CDYL: variants seen among roughly 807,000 people sequenced by gnomAD.
The protein encoded by CDYL is chromodomain Y like.
Under a neutral mutation model 47.3 loss-of-function variants are expected in CDYL, and 8 were observed. The observed-to-expected ratio is 0.17, with a 90% CI of 0.10 to 0.31. The LOEUF (loss-of-function observed/expected upper bound fraction) is 0.31. CDYL is among the 10% of genes least tolerant of loss of function. CDYL has a pLI of 1.00. For missense variants in CDYL, 471 were observed against 701.4 expected (o/e 0.67, Z 3.71); for synonymous variants, 266 against 265.0 (o/e 1.00, Z -0.04).
chr6:4,915,038 G>T (rs1757517054), intron 2 of CDYL, among the ~76,000 whole-genome samples: 1 of 152,212 alleles, frequency 6.6e-6, no homozygotes. Flanking sequence ...TCTGTCTTGT[G>T]TGCTGGGGCT....
In CDYL at chr6:4,776,702, C is replaced by T; in HGVS notation, c.-82C>T. 1.6e-6 allele frequency: 2 copies of T among 1,240,084 alleles called. No homozygotes were observed. Among genetic ancestry groups the T allele is most frequent in the South Asian group, 1.4e-5 (1 of 72,070 alleles). 76.8% of individuals were successfully genotyped at this position (1,240,084 alleles called of 1,614,324 possible). On this transcript the variant is annotated 5_prime_UTR_variant, in exon 1 of 7. Transcript: ENST00000397588. Reference sequence around the variant, plus strand: ...GCAGGAAGCGCAGGCCACGCAGGACCCAACTGAAACAAAGTGTCGGCCGCC... The same window carrying T: ...GCAGGAAGCGCAGGCCACGCAGGACTCAACTGAAACAAAGTGTCGGCCGCC...
intron 4 of CDYL, among the ~76,000 whole-genome samples, chr6:4,940,877 A>G (rs943227735): frequency 1.3e-5 from 2 of 152,248 alleles, no homozygotes; most frequent in African/African-American, 4.8e-5. Context: ...CCTTCAAACG[A>G]AGGTGCCATT....
At chr6:4,740,951 T>C (rs1757786851) in intron 3 of CDYL, among the ~76,000 whole-genome samples, 1 of 152,102 alleles carries the variant, frequency 6.6e-6, no homozygotes, top group African/African-American at 2.4e-5. Context: ...CGTGCCTGGC[T>C]AATTTTTGTA....
At chr6:4,874,695 A>G (rs1292465772) in intron 1 of CDYL, among the ~76,000 whole-genome samples, 1 of 152,218 alleles carries the variant, frequency 6.6e-6, no homozygotes, top group African/African-American at 2.4e-5. Flanking sequence ...GAACATTTTC[A>G]CCACCTGACA....
At chr6:4,781,078 A>C (rs558063745) in intron 1 of CDYL, among the ~76,000 whole-genome samples, 24 of 152,326 alleles carry the variant, frequency 1.6e-4, no homozygotes, top group Non-Finnish European at 3.2e-4. Flanking sequence ...TGACCTTCTG[A>C]GAGAATATTT....
rs555603277 is a variant in CDYL, at chr6:4,870,879, G to T, written c.25-20834G>T. Among the ~76,000 whole-genome samples, 16 of 152,006 alleles carry T rather than the reference G, an allele frequency of 1.1e-4. No individual in the cohort carries two copies. The East Asian group carries it at 3.1e-3, about 29-fold the overall frequency. The stretch of plus-strand genomic sequence containing the variant: ...GGCATTTTCTATTTGAGTCATTGTC[G>T]TCATGTTTTCCTTTAGTTCATTAAA... On this transcript the variant is annotated intron_variant, in intron 1 of 6. Transcript: ENST00000397588.
intron 1 of CDYL, among the ~76,000 whole-genome samples, chr6:4,871,757 A>G (rs1317697981): frequency 1.3e-5 from 2 of 152,144 alleles, no homozygotes; most frequent in African/African-American, 4.8e-5. Flanking sequence ...AAGAAATACA[A>G]AGGGGCGCTT....
chr6:4,934,609 T>C (rs2127519071), intron 2 of CDYL, among the ~76,000 whole-genome samples: 1 of 152,356 alleles, frequency 6.6e-6, no homozygotes, highest in Non-Finnish European at 1.5e-5. Flanking sequence ...CCATCCACTC[T>C]ACATTCATCA....
At chr6:4,883,503 C>T (rs953896027) in intron 1 of CDYL, among the ~76,000 whole-genome samples, 4 of 152,220 alleles carry the variant, frequency 2.6e-5, no homozygotes, top group African/African-American at 9.6e-5. Flanking sequence ...GCTAGCACCT[C>T]TGGCTGTCTG....
intron 1 of CDYL, among the ~76,000 whole-genome samples, chr6:4,829,521 T>C (rs1440391303): frequency 6.6e-6 from 1 of 152,224 alleles, no homozygotes; most frequent in Non-Finnish European, 1.5e-5. Flanking sequence ...CTCAGGTCTT[T>C]CTGAGCGTGC....
intron 2 of CDYL, among the ~76,000 whole-genome samples, chr6:4,927,110 T>C (rs1757898465): frequency 6.6e-6 from 1 of 152,222 alleles, no homozygotes; most frequent in Admixed American, 6.5e-5. Context: ...GCATGAAGTT[T>C]AGGGCTTTTG....
At chr6:4,848,563 A>G (rs6924665) in intron 1 of CDYL, among the ~76,000 whole-genome samples, 5,029 of 152,306 alleles carry the variant, frequency 0.033, 279 homozygotes, top group African/African-American at 0.11. Flanking sequence ...TCGACACAGG[A>G]GAGAGTCTGC....
At chr6:4,775,023 C>T (rs1339774109), upstream of CDYL, among the ~76,000 whole-genome samples, 3 of 152,126 alleles carry the variant, frequency 2.0e-5, no homozygotes, top group Non-Finnish European at 2.9e-5. The surrounding 1 kb of genome is among the most constrained non-coding windows in gnomAD (Gnocchi z 7.0). Context: ...GTCTGTGAGA[C>T]GCCCCGTGGT....
intron 2 of CDYL, among the ~76,000 whole-genome samples, chr6:4,727,956 C>T (rs565210134): frequency 6.6e-6 from 1 of 152,278 alleles, no homozygotes; most frequent in African/African-American, 2.4e-5. Flanking sequence ...CTGTGACTGC[C>T]TCTCCTCCAG....
chr6:4,941,780 G>C (rs1053216388), intron 4 of CDYL, among the ~76,000 whole-genome samples: 1 of 152,004 alleles, frequency 6.6e-6, no homozygotes, highest in Non-Finnish European at 1.5e-5. Flanking sequence ...CCTTGACTTT[G>C]ATCATCGCTT....
intron 2 of CDYL, among the ~76,000 whole-genome samples, chr6:4,904,528 G>A (rs1757168782): frequency 6.6e-6 from 1 of 152,190 alleles, no homozygotes; most frequent in South Asian, 2.1e-4. Flanking sequence ...GCCCCTCCCT[G>A]CCCTGGCTTT....
intron 1 of CDYL, among the ~76,000 whole-genome samples, chr6:4,880,506 G>A (rs1001981305): frequency 2.0e-5 from 3 of 152,102 alleles, no homozygotes; most frequent in African/African-American, 7.2e-5. Context: ...ATATTTGTTT[G>A]GAAAGTTTTT....
intron 1 of CDYL, among the ~76,000 whole-genome samples, chr6:4,800,566 G>A (rs1054821337): frequency 6.6e-6 from 1 of 152,138 alleles, no homozygotes; most frequent in Non-Finnish European, 1.5e-5. Context: ...GCCATCTAGT[G>A]TAGTTTCCAT....
rs143201617 is a variant in CDYL, at chr6:4,891,793, G to A, written c.105G>A (p.Glu35=). Residue 35 remains glutamate (E), a synonymous_variant, in exon 2 of 7, where the codon GAG becomes GAA. Coordinates refer to ENST00000397588, the MANE Select transcript of CDYL (RefSeq NM_004824.4). ...YLVRWKGYDS[E]DDTWEPEQHL... ...TTCGGTGGAAAGGCTATGACAGCGA[G>A]GACGACACTTGGGAGCCGGAACAGC... 4.8e-4 allele frequency: 781 copies of A among 1,614,172 alleles called. 5 individuals are homozygous for A. In the African/African-American group the frequency reaches 8.6e-3, roughly 18 times the overall value.
Sources: allele counts gnomAD v4.1 joint callset (sites outside exome capture counted in the v4.1 genomes callset), GRCh38; gene constraint gnomAD v4.1.1; non-coding constraint Gnocchi (gnomAD v3.1); transcripts MANE v1.5; gene names NCBI Gene and HGNC (gene_info 2026-07-23, HGNC 2026-07-21).